Variants in APP observed in about 807,000 individuals in gnomAD.
APP encodes amyloid beta precursor protein, also known as amyloid-beta precursor protein.
A neutral mutation model predicts 101.4 loss-of-function variants in APP; 31 were observed. The ratio of observed to expected loss-of-function variants is 0.31; its 90% CI spans 0.23 to 0.41. The LOEUF is 0.41. APP is among the 10% of genes least tolerant of loss of function. The pLI is 1.00. For synonymous variants in APP, 366 were observed against 364.4 expected, an observed-to-expected ratio of 1.00 and a Z score of -0.05; for missense variants, 839 against 1,003.7, an observed-to-expected ratio of 0.84 and a Z score of 2.22.
intron 6 of APP, among the ~76,000 whole-genome samples, chr21:26,003,214 T>C (rs1438803908): frequency 6.6e-6 from 1 of 152,220 alleles, no homozygotes; most frequent in Non-Finnish European, 1.5e-5. Context: ...AGAACAAGCA[T>C]TCAGAACTCA....
chr21:25,901,831 C>CT (rs919503517), intron 15 of APP, among the ~76,000 whole-genome samples: 19 of 144 alleles, frequency 0.13, no homozygotes, highest in African/African-American at 0.28. Context: ...TCTTGCATGG[C>CT]TCGGGTCAAG....
chr21:26,080,581 A>C (rs1404272632), intron 3 of APP, among the ~76,000 whole-genome samples: 1 of 151,864 alleles, frequency 6.6e-6, no homozygotes, highest in Non-Finnish European at 1.5e-5. Flanking sequence ...AGACTGGCCA[A>C]GGTGGTCAAA....
At chr21:26,104,610 C>T (rs2062138444) in intron 2 of APP, among the ~76,000 whole-genome samples, 1 of 151,788 alleles carries the variant, frequency 6.6e-6, no homozygotes, top group Non-Finnish European at 1.5e-5. Context: ...AAACCTGGAT[C>T]AAAGAATCAA....
At chr21:25,975,838 C>A in intron 10 of APP, 116 bp downstream of exon 10, 1 of 825,444 alleles carries the variant, frequency 1.2e-6, no homozygotes, top group Non-Finnish European at 2.1e-6. Flanking sequence ...AGCTGAAGTT[C>A]ATGGGACTAT....
At chr21:26,060,932 C>T (rs950005037) in intron 3 of APP, among the ~76,000 whole-genome samples, 1 of 152,108 alleles carries the variant, frequency 6.6e-6, no homozygotes, top group Admixed American at 6.5e-5. Context: ...CTGCACGGGG[C>T]CTTAAACATT....
At chr21:26,013,155 A>T (rs1184159814) in intron 6 of APP, among the ~76,000 whole-genome samples, 1 of 152,140 alleles carries the variant, frequency 6.6e-6, no homozygotes, top group Non-Finnish European at 1.5e-5. Context: ...TGTCTCTACT[A>T]AAAATACAAC....
chr21:26,108,892 A>C (rs1188071135), intron 2 of APP, among the ~76,000 whole-genome samples: 1 of 151,532 alleles, frequency 6.6e-6, no homozygotes. Context: ...CTCAAAAACA[A>C]AAGAAAAAAA....
At chr21:25,989,925 A>G (rs1028200171) in intron 8 of APP, among the ~76,000 whole-genome samples, 1 of 148,358 alleles carries the variant, frequency 6.7e-6, no homozygotes, top group African/African-American at 2.5e-5. Context: ...GTGTCTCTAA[A>G]AAAAAAAAAA....
intron 13 of APP, among the ~76,000 whole-genome samples, chr21:25,931,289 C>T (rs1230070362): frequency 6.6e-6 from 1 of 152,150 alleles, no homozygotes; most frequent in Non-Finnish European, 1.5e-5. Flanking sequence ...GATACAAGTG[C>T]ATGTACCGAG....
At chr21:26,022,595 G>A (rs115539979) in intron 5 of APP, among the ~76,000 whole-genome samples, 2,678 of 152,242 alleles carry the variant, frequency 0.018, 75 homozygotes, top group African/African-American at 0.061. Context: ...GGAAGTGAGA[G>A]GTAGAGGGAA....
intron 3 of APP, chr21:26,068,338 TTC>T (rs1170750484): frequency 1.3e-5 from 2 of 151,684 alleles, no homozygotes; most frequent in African/African-American, 2.4e-5. Flanking sequence ...AGCCCTCCAG[TTC>T]TCTGACTACT....
chr21:25,904,961 G>A (rs2038711400), intron 15 of APP, 63 bp downstream of exon 15: 2 of 1,407,158 alleles, frequency 1.4e-6, no homozygotes, highest in African/African-American at 2.8e-5. Context: ...GCAGAAAGGA[G>A]ACAACGTCTG....
At chr21:26,136,185 GAAA>G (rs760414057) in intron 1 of APP, among the ~76,000 whole-genome samples, 20 of 79,178 alleles carry the variant, frequency 2.5e-4, no homozygotes, top group African/African-American at 2.3e-3. Flanking sequence ...AAGAAAGAAA[GAAA>G]GAAAGAAAGA....
intron 3 of APP, among the ~76,000 whole-genome samples, chr21:26,069,424 G>A (rs2046587695): frequency 6.6e-6 from 1 of 152,056 alleles, no homozygotes; most frequent in Non-Finnish European, 1.5e-5. Flanking sequence ...TGATCCTGAG[G>A]TCCTGGATGC....
chr21:25,887,120 C>T (rs1005492536), intron 17 of APP, among the ~76,000 whole-genome samples: 2 of 152,094 alleles, frequency 1.3e-5, no homozygotes, highest in Admixed American at 6.6e-5. Context: ...AGAAGCTGTG[C>T]CCCCAACTTC....
At chr21:25,958,716 C>T (rs926609251) in intron 11 of APP, among the ~76,000 whole-genome samples, 38 of 152,192 alleles carry the variant, frequency 2.5e-4, no homozygotes, top group African/African-American at 8.7e-4. Flanking sequence ...CAGAATGATG[C>T]GTAGTCCATT....
chr21:26,055,385 C>A, intron 3 of APP, among the ~76,000 whole-genome samples: 1 of 152,078 alleles, frequency 6.6e-6, no homozygotes, highest in East Asian at 1.9e-4. Flanking sequence ...GCAAATGATA[C>A]CACATTTCTC....
chr21:26,035,469 A>T (rs1413115327), intron 5 of APP, among the ~76,000 whole-genome samples: 1 of 152,078 alleles, frequency 6.6e-6, no homozygotes, highest in East Asian at 1.9e-4. Flanking sequence ...GGAGGTAGGG[A>T]GGAGCTGGGT....
intron 6 of APP, among the ~76,000 whole-genome samples, chr21:26,015,842 G>C (rs933756293): frequency 6.6e-6 from 1 of 152,104 alleles, no homozygotes; most frequent in Admixed American, 6.5e-5. Context: ...AGTTTTGCAG[G>C]CAACACAATC....
Sources: allele counts gnomAD v4.1 joint callset (sites outside exome capture counted in the v4.1 genomes callset), GRCh38; gene constraint gnomAD v4.1.1; transcripts MANE v1.5; gene names NCBI Gene and HGNC (gene_info 2026-07-23, HGNC 2026-07-21).